FAM13B: variants seen among roughly 807,000 people sequenced by gnomAD.
FAM13B encodes the protein family with sequence similarity 13 member B.
A neutral mutation model predicts 117.3 loss-of-function variants in FAM13B; 60 were observed. The ratio of observed to expected loss-of-function variants is 0.51; its 90% CI spans 0.42 to 0.63. FAM13B has a LOEUF of 0.63. Ranked by LOEUF, FAM13B falls within the 30% of genes least tolerant of loss-of-function variation. The pLI is 0.00. For synonymous variants in FAM13B, 332 were observed against 356.1 expected (o/e 0.93, Z 0.76); for missense variants, 972 against 1,091.9 (o/e 0.89, Z 1.55).
intron 7 of FAM13B, among the ~76,000 whole-genome samples, chr5:137,992,677 G>A (rs1003001264): frequency 6.6e-6 from 1 of 152,160 alleles, no homozygotes; most frequent in African/African-American, 2.4e-5. Flanking sequence ...ATATGAAAAG[G>A]GGGAGGGCTC....
intron 10 of FAM13B, among the ~76,000 whole-genome samples, chr5:137,979,717 G>A (rs1239062914): frequency 6.6e-6 from 1 of 152,032 alleles, no homozygotes; most frequent in Non-Finnish European, 1.5e-5. Flanking sequence ...AAAAAGCCAA[G>A]TTCAAAATCC....
Position 138,047,942 on chromosome 5 carries a change from A to T in FAM13B, c.-203+3936T>A, listed in dbSNP as rs1791689762. ...AATAATACATTTGTATTGTGTTTTT[A>T]AAAAATTTTAAATAACCTTTTTATT... On this transcript the variant is annotated intron_variant, in intron 1 of 3. Coordinates refer to the FAM13B transcript ENST00000502471. 5.9e-5 allele frequency among the ~76,000 whole-genome samples: 9 copies of T among 152,370 alleles called. No individual in the cohort carries two copies. The South Asian group carries it at 1.9e-3, about 32-fold the overall frequency.
chr5:137,999,954 C>A (rs909960088), intron 7 of FAM13B, among the ~76,000 whole-genome samples: 2 of 151,998 alleles, frequency 1.3e-5, no homozygotes, highest in African/African-American at 4.8e-5. Context: ...ATAGCAGCAA[C>A]AGATTAAATG....
At chr5:137,972,089 G>A (rs1456597807) in intron 10 of FAM13B, among the ~76,000 whole-genome samples, 1 of 149,806 alleles carries the variant, frequency 6.7e-6, no homozygotes, top group East Asian at 1.9e-4. Context: ...AGAAAAAGAG[G>A]GAATCCTCCC....
chr5:137,983,120 T>C (rs1338241661), intron 10 of FAM13B, among the ~76,000 whole-genome samples: 4 of 137,336 alleles, frequency 2.9e-5, no homozygotes, highest in African/African-American at 8.4e-5. Context: ...ATTTAAGAGA[T>C]TCAGAAGAGG....
chr5:138,027,289 C>A (rs1393529092), intron 1 of FAM13B, among the ~76,000 whole-genome samples: 1 of 152,092 alleles, frequency 6.6e-6, no homozygotes, highest in Non-Finnish European at 1.5e-5. Flanking sequence ...CTTGTTAAAG[C>A]CAAAAAACTA....
intron 10 of FAM13B, among the ~76,000 whole-genome samples, chr5:137,976,029 G>A (rs1465769775): frequency 2.1e-5 from 3 of 140,378 alleles, no homozygotes; most frequent in African/African-American, 8.2e-5. Context: ...AGGCTGGAGT[G>A]CAGTGGCGCG....
chr5:138,032,721 A>G, intron 1 of FAM13B, 61 bp downstream of exon 1: 1 of 985,572 alleles, frequency 1.0e-6, no homozygotes, highest in Non-Finnish European at 1.2e-6. Flanking sequence ...CAGGAGGGGA[A>G]GGGCCGCGGC....
chr5:138,028,345 T>A (rs1581300000), intron 1 of FAM13B, among the ~76,000 whole-genome samples: 1 of 152,226 alleles, frequency 6.6e-6, no homozygotes. Flanking sequence ...GACTAGTTTA[T>A]CATTTTTCAT....
chr5:137,951,209 C>CAAAAAAAAAAAAA (rs1158310740), intron 17 of FAM13B, among the ~76,000 whole-genome samples: 1 of 63,240 alleles, frequency 1.6e-5, no homozygotes. Context: ...CTGTCTCAAA[C>CAAAAAAAAAAAAA]AAAAAAAAAA....
In FAM13B at chr5:138,041,768, C is replaced by T. The variant is rs147462119; in HGVS notation, c.-203+10110G>A. ...CCTGGGCAACATAGCAAGACCCCATCTCAAAAAAAAAAATTGGGGGTGGGG... is the reference window on the plus strand; with the variant it reads ...CCTGGGCAACATAGCAAGACCCCATTTCAAAAAAAAAAATTGGGGGTGGGG... On this transcript the variant is annotated intron_variant, in intron 1 of 3. Coordinates refer to the FAM13B transcript ENST00000502471. 8.6e-3 allele frequency among the ~76,000 whole-genome samples: 1,298 copies of T among 150,364 alleles called. 8 individuals carry two copies. Among genetic ancestry groups the T allele is most frequent in the Middle Eastern group, 0.024 (7 of 292 alleles).
Position 137,940,098 on chromosome 5 carries a change from C to A in FAM13B, c.*127G>T. ...TCATTTGTTTTGTTTAGTGGCACCACAACCAAGTACAAAATGAGATTCTCT... is the reference window on the plus strand; with the variant it reads ...TCATTTGTTTTGTTTAGTGGCACCAAAACCAAGTACAAAATGAGATTCTCT... On this transcript the variant is annotated 3_prime_UTR_variant, in exon 24 of 24. Coordinates refer to ENST00000689681, the MANE Select transcript of FAM13B (RefSeq NM_001385994.1). The A allele has an allele frequency of 3.1e-6, 5 of 1,614,116 alleles. No homozygotes were observed. Among genetic ancestry groups the A allele is most frequent in the Non-Finnish European group, 4.2e-6 (5 of 1,179,990 alleles).
At chr5:138,020,031 A>G (rs1786294362) in intron 2 of FAM13B, 1 of 965,094 alleles carries the variant, frequency 1.0e-6, no homozygotes, top group Non-Finnish European at 1.2e-6. Context: ...ATCAACTTTC[A>G]ATAAGAGATG....
At chr5:137,956,649 A>G (rs1766644418) in intron 13 of FAM13B, 107 bp from the exon 14 acceptor site, 3 of 611,772 alleles carry the variant, frequency 4.9e-6, no homozygotes, top group Non-Finnish European at 7.6e-6. Flanking sequence ...ACATTTCCCT[A>G]AAACCAGTTA....
intron 7 of FAM13B, among the ~76,000 whole-genome samples, chr5:138,004,611 T>G (rs1782095094): frequency 1.3e-5 from 2 of 152,194 alleles, no homozygotes. Context: ...TCAGTTCGTT[T>G]AAGTTTACAT....
intron 1 of FAM13B, among the ~76,000 whole-genome samples, chr5:138,042,062 C>T (rs944128932): frequency 5.9e-5 from 9 of 152,070 alleles, no homozygotes; most frequent in African/African-American, 1.2e-4. Context: ...CCCTGAAGTT[C>T]ATAGCTGCAT....
Position 137,956,602 on chromosome 5 carries a change from A to C in FAM13B, c.1442-60T>G, listed in dbSNP as rs549059882. The C allele has an allele frequency of 2.9e-5, 37 of 1,284,404 alleles. No homozygotes were observed. In the East Asian group the frequency reaches 8.2e-4, roughly 28 times the overall value. The allele number at this position is 1,284,404 out of a possible 1,614,324, so 79.6% of individuals were successfully genotyped here. ...AGTGAACACACAGCACAGTCAGAAC[A>C]AACCATACACATAACACAAAGCCAA... On this transcript the variant is annotated intron_variant, in intron 13 of 23. Coordinates refer to ENST00000689681, the MANE Select transcript of FAM13B (RefSeq NM_001385994.1).
chr5:138,045,731 G>T (rs1791622567), intron 1 of FAM13B, among the ~76,000 whole-genome samples: 1 of 152,062 alleles, frequency 6.6e-6, no homozygotes, highest in Non-Finnish European at 1.5e-5. Context: ...AGACACAGTG[G>T]CTCACACCTG....
At chr5:137,962,314 AATGGACATTC>A in intron 11 of FAM13B, 81 bp downstream of exon 11, 1 of 978,440 alleles carries the variant, frequency 1.0e-6, no homozygotes, top group Non-Finnish European at 1.6e-6. Context: ...ATATATTTAT[AATGGACATTC>A]ATCTAAAAAA....
Sources: gnomAD v4.1 joint callset for allele counts (sites outside exome capture counted in the v4.1 genomes callset) on GRCh38, gnomAD v4.1.1 for gene constraint, MANE v1.5 for transcripts, NCBI Gene and HGNC (gene_info 2026-07-23, HGNC 2026-07-21) for gene names.